Variants in GRM7 observed in about 807,000 individuals in gnomAD.
GRM7 encodes the protein glutamate metabotropic receptor 7, also known as metabotropic glutamate receptor 7.
A neutral mutation model predicts 84.5 loss-of-function variants in GRM7; 35 were observed. That is an observed-to-expected ratio of 0.41 (90% CI 0.32 to 0.55). The LOEUF (loss-of-function observed/expected upper bound fraction) is 0.55. Ranked by LOEUF, GRM7 falls within the 20% of genes least tolerant of loss-of-function variation. The probability of loss-of-function intolerance (pLI) is 0.19; values close to 1 mark genes in which losing one functional copy is unlikely to be tolerated. For synonymous variants in GRM7, 487 were observed against 455.1 expected, an observed-to-expected ratio of 1.07 and a Z score of -0.89; for missense variants, 1,003 against 1,194.6, an observed-to-expected ratio of 0.84 and a Z score of 2.36.
intron 1 of GRM7, among the ~76,000 whole-genome samples, chr3:7,128,314 A>G (rs1176766817): frequency 6.6e-6 from 1 of 151,734 alleles, no homozygotes; most frequent in East Asian, 1.9e-4. Context: ...TTTTCTATGC[A>G]TGAATATAAA....
chr3:7,136,867 A>C (rs571812913), intron 1 of GRM7, among the ~76,000 whole-genome samples: 1 of 152,258 alleles, frequency 6.6e-6, no homozygotes, highest in Admixed American at 6.6e-5. Flanking sequence ...GGAGAAGAAT[A>C]AACAGATAAT....
intron 1 of GRM7, among the ~76,000 whole-genome samples, chr3:7,145,338 T>G (rs1694074329): frequency 6.6e-6 from 1 of 152,138 alleles, no homozygotes; most frequent in Non-Finnish European, 1.5e-5. Flanking sequence ...TCATTTTCTA[T>G]TGCTTGATAG....
intron 8 of GRM7, among the ~76,000 whole-genome samples, chr3:7,620,810 G>A (rs916683910): frequency 3.9e-5 from 6 of 152,098 alleles, no homozygotes; most frequent in Admixed American, 2.6e-4. Flanking sequence ...CTTCTTGCCT[G>A]TTACGCTAGA....
intron 8 of GRM7, among the ~76,000 whole-genome samples, chr3:7,630,870 A>C (rs1451307709): frequency 6.6e-6 from 1 of 152,242 alleles, no homozygotes; most frequent in African/African-American, 2.4e-5. Flanking sequence ...TGTGTCTGGT[A>C]ATCTTCATTG....
chr3:7,380,545 C>T (rs73809088), intron 4 of GRM7, among the ~76,000 whole-genome samples: 3,406 of 152,242 alleles, frequency 0.022, 130 homozygotes, highest in African/African-American at 0.075. Context: ...AGATTGAGCA[C>T]ATATTAGCAG....
intron 7 of GRM7, among the ~76,000 whole-genome samples, chr3:7,499,266 A>G (rs926731910): frequency 6.6e-6 from 1 of 152,208 alleles, no homozygotes; most frequent in East Asian, 1.9e-4. Context: ...CAGAAGATTC[A>G]GGCCTTTCCT....
chr3:7,205,862 A>C (rs527400602), intron 2 of GRM7, among the ~76,000 whole-genome samples: 1 of 152,334 alleles, frequency 6.6e-6, no homozygotes, highest in East Asian at 1.9e-4. Context: ...GAACCATCTA[A>C]GTGTTAAGTT....
chr3:7,314,669 A>G (rs1700521220), intron 4 of GRM7, among the ~76,000 whole-genome samples: 1 of 151,752 alleles, frequency 6.6e-6, no homozygotes, highest in African/African-American at 2.4e-5. Context: ...TCCTATTTTC[A>G]CTTAGTTCTT....
chr3:7,666,705 A>C (rs918122503), intron 8 of GRM7, among the ~76,000 whole-genome samples: 2 of 152,220 alleles, frequency 1.3e-5, no homozygotes, highest in African/African-American at 4.8e-5. Flanking sequence ...CATTGGGATG[A>C]GAAGGGAACA....
chr3:7,424,955 C>G (rs761980341), intron 5 of GRM7, among the ~76,000 whole-genome samples: 1 of 152,126 alleles, frequency 6.6e-6, no homozygotes, highest in African/African-American at 2.4e-5. Flanking sequence ...CCATTATACA[C>G]GTGATGAAAT....
intron 8 of GRM7, among the ~76,000 whole-genome samples, chr3:7,636,863 G>C (rs2125101379): frequency 6.6e-6 from 1 of 152,172 alleles, no homozygotes; most frequent in South Asian, 2.1e-4. Context: ...GACCTGTCAG[G>C]GTTACTGGCA....
At chr3:7,640,927 A>G (rs747907257) in intron 8 of GRM7, among the ~76,000 whole-genome samples, 3 of 152,142 alleles carry the variant, frequency 2.0e-5, no homozygotes, top group Non-Finnish European at 4.4e-5. Flanking sequence ...TCTGACAGCT[A>G]TTTTTTCCAT....
intron 1 of GRM7, among the ~76,000 whole-genome samples, chr3:6,882,764 A>C (rs1429112839): frequency 1.3e-5 from 2 of 152,194 alleles, no homozygotes; most frequent in African/African-American, 2.4e-5. Flanking sequence ...CATGTCATTT[A>C]ATAAGGCTAT....
At chr3:7,275,106 A>G (rs1027532130) in intron 2 of GRM7, among the ~76,000 whole-genome samples, 1 of 152,142 alleles carries the variant, frequency 6.6e-6, no homozygotes, top group African/African-American at 2.4e-5. Flanking sequence ...TATTCTTCAT[A>G]TCTAATATAG....
intron 1 of GRM7, among the ~76,000 whole-genome samples, chr3:6,984,673 C>A (rs75044537): frequency 3.9e-5 from 6 of 152,064 alleles, no homozygotes; most frequent in Non-Finnish European, 7.4e-5. Context: ...CTGGATCTTG[C>A]ACTCACCCTG....
intron 4 of GRM7, among the ~76,000 whole-genome samples, chr3:7,406,814 A>C (rs1388557666): frequency 6.6e-6 from 1 of 152,218 alleles, no homozygotes; most frequent in East Asian, 1.9e-4. Flanking sequence ...AAATACCTTG[A>C]AACATGTTGC....
chr3:7,403,111 G>C (rs751800500), intron 4 of GRM7: 54 of 427,068 alleles, frequency 1.3e-4, no homozygotes, highest in Non-Finnish European at 2.4e-4. Context: ...AAAACGTGAA[G>C]CTTCTACAAT....
intron 9 of GRM7, chr3:7,682,449 A>C (rs566450875): frequency 6.6e-6 from 1 of 151,970 alleles, no homozygotes; most frequent in African/African-American, 2.4e-5. Flanking sequence ...TATATTTATA[A>C]TTAGTGGCTT....
intron 1 of GRM7, among the ~76,000 whole-genome samples, chr3:7,123,706 A>G (rs9873885): frequency 0.27 from 41,678 of 151,970 alleles, 6,822 homozygotes; most frequent in African/African-American, 0.47. Flanking sequence ...GCTTACTCCA[A>G]TGGGGGCTTC....
Sources: allele counts gnomAD v4.1 joint callset (sites outside exome capture counted in the v4.1 genomes callset), GRCh38; gene constraint gnomAD v4.1.1; transcripts MANE v1.5; gene names NCBI Gene and HGNC (gene_info 2026-07-23, HGNC 2026-07-21).